ZNF418: variants seen among roughly 807,000 people sequenced by gnomAD.
The protein encoded by ZNF418 is zinc finger protein 418.
A neutral mutation model predicts 32.0 loss-of-function variants in ZNF418; 32 were observed. That is an observed-to-expected ratio of 1.00 (90% CI 0.75 to 1.34). The LOEUF is 1.34. Ranked by LOEUF, ZNF418 falls within the 40% of genes most tolerant of loss-of-function variation. The probability of loss-of-function intolerance (pLI) is 0.00; values close to 1 mark genes in which losing one functional copy is unlikely to be tolerated. For missense variants in ZNF418, 804 were observed against 812.5 expected, an observed-to-expected ratio of 0.99 and a Z score of 0.13; for synonymous variants, 276 against 270.7, an observed-to-expected ratio of 1.02 and a Z score of -0.19.
chr19:57,926,996 T>G lies in ZNF418; in HGVS notation c.1185A>C (p.Glu395Asp), dbSNP rs765764365. 3.5e-5 allele frequency: 57 copies of G among 1,614,052 alleles called. No homozygotes were observed. Among genetic ancestry groups the G allele is most frequent in the Admixed American group, 5.0e-5 (3 of 60,000 alleles). The change falls in exon 4 of 6, where the codon GAA becomes GAC. Residue 395 changes from glutamate to aspartate, a missense_variant. This residue lies in a region of ZNF418 where 475 missense variants were observed against 458.6 expected (regional missense o/e 1.04). Coordinates refer to ENST00000396147, the MANE Select transcript of ZNF418 (RefSeq NM_133460.3). ...CACATTCTCCACACTCATAAGGTCGTTCTCTAGTGTGAACTCGATGATGTT... is the reference window on the plus strand; with the variant it reads ...CACATTCTCCACACTCATAAGGTCGGTCTCTAGTGTGAACTCGATGATGTT... ...LTEHHRVHTR[E>D]RPYECGECGK...
chr19:57,932,400 T>C (rs747908575), intron 2 of ZNF418: 1 of 1,531,138 alleles, frequency 6.5e-7, no homozygotes, highest in Non-Finnish European at 8.8e-7. Context: ...CAGAGTATGC[T>C]TGGCAAATTC....
At chr19:57,934,931 G>A (rs865878917) in intron 1 of ZNF418, 6 of 1,133,098 alleles carry the variant, frequency 5.3e-6, no homozygotes, top group Non-Finnish European at 7.0e-6. Flanking sequence ...GTGGACCCCA[G>A]GTTCCATCCT....
intron 4 of ZNF418, among the ~76,000 whole-genome samples, 175 bp downstream of exon 4, chr19:57,925,448 G>A (rs563016064): frequency 2.3e-4 from 33 of 146,320 alleles, no homozygotes; most frequent in Admixed American, 1.7e-3. Context: ...GCGACAGAGC[G>A]AGACTCTGTC....
intron 1 of ZNF418, 82 bp downstream of exon 1, chr19:57,935,079 C>T (rs919514502): frequency 9.7e-5 from 129 of 1,327,144 alleles, no homozygotes; most frequent in Non-Finnish European, 1.2e-4. Context: ...GGGCTGCAGA[C>T]CTGTGAACAG....
chr19:57,929,069 G>C (rs566107616), intron 3 of ZNF418, among the ~76,000 whole-genome samples: 2 of 152,010 alleles, frequency 1.3e-5, no homozygotes, highest in Non-Finnish European at 2.9e-5. Context: ...TGCCAGTATC[G>C]GACAGCACTC....
Position 57,934,563 on chromosome 19 carries a change from G to A in ZNF418, c.-81+598C>T, listed in dbSNP as rs142574033. Among the ~76,000 whole-genome samples the A allele has an allele frequency of 5.3e-4, 81 of 152,296 alleles. 1 individual carries two copies. Among genetic ancestry groups the A allele is most frequent in the Non-Finnish European group, 1.8e-4 (12 of 68,026 alleles). ...CTTTTGTAGCCAGGAGTGTCTGAGGGGAAAGCAGACGTTACAAAGGGGATC... is the reference window on the plus strand; with the variant it reads ...CTTTTGTAGCCAGGAGTGTCTGAGGAGAAAGCAGACGTTACAAAGGGGATC... On this transcript the variant is annotated intron_variant, in intron 1 of 5. Transcript: ENST00000396147.
At chr19:57,928,515 CG>C (rs2072342924) in intron 3 of ZNF418, among the ~76,000 whole-genome samples, 1 of 152,070 alleles carries the variant, frequency 6.6e-6, no homozygotes, top group Non-Finnish European at 1.5e-5. Flanking sequence ...CCACCCACAT[CG>C]GCCTCCCAAA....
rs2072303192 is a variant in ZNF418 at position 57,927,690 on chromosome 19, C to T, written c.491G>A (p.Ser164Asn). 6.2e-7 allele frequency: 1 copy of T among 1,614,228 alleles called. No homozygotes were observed. Among genetic ancestry groups the T allele is most frequent in the Non-Finnish European group, 8.5e-7 (1 of 1,180,044 alleles). The change falls in exon 4 of 6, where the codon AGT (serine) becomes AAT (asparagine). Residue 164 changes from serine to asparagine, a missense_variant. This residue lies in a region of ZNF418 where 307 missense variants were observed against 304.9 expected (regional missense o/e 1.01). Coordinates refer to ENST00000396147, the MANE Select transcript of ZNF418 (RefSeq NM_133460.3). Reference sequence around the variant, plus strand: ...TGAGCTGGGCAAAAAGTCCTTTCCACTCTGAATGAAGATAGATGACTCCTC... The same window carrying T: ...TGAGCTGGGCAAAAAGTCCTTTCCATTCTGAATGAAGATAGATGACTCCTC... ...VSEESSIFIQ[S>N]GKDFLPSSGL...
Position 57,927,958 on chromosome 19 carries a change from C to T in ZNF418, c.223G>A (p.Gly75Ser). 2.5e-6 allele frequency: 4 copies of T among 1,612,760 alleles called. No individual in the cohort carries two copies. The highest frequency in any genetic ancestry group is 3.4e-6 in the Non-Finnish European group (4 of 1,179,188). ...RVSQVSTPGA[G>S]VSPKKAHSCE... The stretch of plus-strand genomic sequence containing the variant: ...GAGTGGGCCTTCTTGGGAGACACAC[C>T]TGCCCCAGGAGTGCTGACCTGAGAC... The change falls in exon 4 of 6, where the codon GGT (glycine) becomes AGT (serine). Residue 75 changes from glycine (G) to serine (S), a missense_variant. Transcript: ENST00000396147.
intron 5 of ZNF418, 137 bp from the exon 6 acceptor site, chr19:57,922,766 A>G (rs1296785234): frequency 1.0e-5 from 4 of 390,122 alleles, no homozygotes; most frequent in Non-Finnish European, 1.8e-5. Context: ...TGAGAGGCCA[A>G]GGTGGGAAGA....
intron 2 of ZNF418, among the ~76,000 whole-genome samples, chr19:57,931,176 T>G (rs949317328): frequency 6.6e-6 from 1 of 152,182 alleles, no homozygotes; most frequent in Non-Finnish European, 1.5e-5. Context: ...CTGGGTCCAT[T>G]AGACGTACTC....
At chr19:57,923,741 A>T (rs903340973) in intron 4 of ZNF418, among the ~76,000 whole-genome samples, 2 of 150,884 alleles carry the variant, frequency 1.3e-5, no homozygotes, top group African/African-American at 4.9e-5. Flanking sequence ...CGCCCAGCTA[A>T]TTTTTTGTAT....
rs575199800 is a variant in ZNF418, at chr19:57,927,940, C to A, written c.241G>T (p.Ala81Ser). 1.9e-6 allele frequency: 3 copies of A among 1,613,588 alleles called. No individual in the cohort carries two copies. The highest frequency in any genetic ancestry group is 2.5e-6 in the Non-Finnish European group (3 of 1,179,686). ...GCGCCACACATTTCACAAGAGTGGGCCTTCTTGGGAGACACACCTGCCCCA... is the reference window on the plus strand; with the variant it reads ...GCGCCACACATTTCACAAGAGTGGGACTTCTTGGGAGACACACCTGCCCCA... ...TPGAGVSPKK[A>S]HSCEMCGAIL... The change falls in exon 4 of 6, where the codon GCC becomes TCC. Residue 81 changes from alanine (A) to serine (S), a missense_variant. Physicochemically the swap from Ala to Ser is moderately conservative, Grantham distance 99. This residue lies in a region of ZNF418 where 307 missense variants were observed against 304.9 expected (regional missense o/e 1.01). Coordinates refer to ENST00000396147, the MANE Select transcript of ZNF418 (RefSeq NM_133460.3).
At chr19:57,931,494 G>A (rs932610661) in intron 2 of ZNF418, among the ~76,000 whole-genome samples, 3 of 151,764 alleles carry the variant, frequency 2.0e-5, no homozygotes, top group East Asian at 2.0e-4. Flanking sequence ...AAGCCACCAC[G>A]CCCGGCCTTA....
chr19:57,924,783 A>G (rs2072147113), intron 4 of ZNF418, among the ~76,000 whole-genome samples: 1 of 152,110 alleles, frequency 6.6e-6, no homozygotes, highest in Non-Finnish European at 1.5e-5. Flanking sequence ...TCTCAGAAGC[A>G]TCAGAGGATG....
rs1469308133 is a variant in ZNF418 at position 57,921,940 on chromosome 19, G to A, written c.*1315C>T. 1.3e-5 allele frequency: 2 copies of A among 152,160 alleles called. No homozygotes were observed. Among genetic ancestry groups the A allele is most frequent in the Non-Finnish European group, 2.9e-5 (2 of 68,042 alleles). The allele number at this position is 152,160 out of a possible 1,614,324, so 9.4% of individuals were successfully genotyped here. Reference sequence around the variant, plus strand: ...ATACAGGGCAGTCCAGGAGCGGCAGGCTGGACAAAAAAACCACTATCATTT... The same window carrying A: ...ATACAGGGCAGTCCAGGAGCGGCAGACTGGACAAAAAAACCACTATCATTT... On this transcript the variant is annotated 3_prime_UTR_variant, in exon 6 of 6. Coordinates refer to ENST00000396147, the MANE Select transcript of ZNF418 (RefSeq NM_133460.3).
chr19:57,927,613 G>T lies in ZNF418; in HGVS notation c.568C>A (p.Pro190Thr). ...CACTGAAAGGGAGACTCACACTCAG[G>T]TTTGCTGTTTGACTTCTCCCCAGTG... Reference protein sequence around the residue: ...THTGEKSNSKPECESPFQWGD... With the variant: ...THTGEKSNSKTECESPFQWGD... Residue 190 changes from proline to threonine, a missense_variant, in exon 4 of 6, where the codon CCT becomes ACT. This residue lies in a region of ZNF418 where 307 missense variants were observed against 304.9 expected (regional missense o/e 1.01). Coordinates refer to ENST00000396147, the MANE Select transcript of ZNF418 (RefSeq NM_133460.3). The T allele has an allele frequency of 1.9e-6, 3 of 1,614,044 alleles. No individual in the cohort carries two copies. The highest frequency in any genetic ancestry group is 2.5e-6 in the Non-Finnish European group (3 of 1,179,908).
chr19:57,932,664 C>A, intron 2 of ZNF418: 2 of 1,397,374 alleles, frequency 1.4e-6, no homozygotes, highest in African/African-American at 1.5e-5. Flanking sequence ...AAGTGGAAAA[C>A]AAAAGAAAAA....
intron 3 of ZNF418, among the ~76,000 whole-genome samples, chr19:57,928,941 C>G (rs2072365795): frequency 6.6e-6 from 1 of 152,124 alleles, no homozygotes; most frequent in African/African-American, 2.4e-5. Flanking sequence ...TTGCAGTGAG[C>G]TGAGATCACG....
Sources: gnomAD v4.1 joint callset for allele counts (sites outside exome capture counted in the v4.1 genomes callset) on GRCh38, gnomAD v4.1.1 for gene constraint, gnomAD v4.1.1 regional missense constraint, MANE v1.5 for transcripts, NCBI Gene and HGNC (gene_info 2026-07-23, HGNC 2026-07-21) for gene names.